Variants in SWT1 observed in about 807,000 individuals in gnomAD.
SWT1 encodes the protein SWT1 RNA endoribonuclease homolog, also known as transcriptional protein SWT1.
Under a neutral mutation model 107.3 loss-of-function variants are expected in SWT1, and 33 were observed. The observed-to-expected ratio is 0.31, with a 90% CI of 0.23 to 0.41. The LOEUF (loss-of-function observed/expected upper bound fraction) is 0.41. SWT1 is among the 10% of genes least tolerant of loss of function. The pLI, the probability that SWT1 is intolerant of heterozygous loss-of-function variation, is 1.00. For missense variants in SWT1, 898 were observed against 1,028.9 expected, an observed-to-expected ratio of 0.87 and a Z score of 1.74; for synonymous variants, 345 against 348.3, an observed-to-expected ratio of 0.99 and a Z score of 0.11.
At chr1:185,182,125 T>C in intron 7 of SWT1, 68 bp downstream of exon 7, 1 of 1,466,148 alleles carries the variant, frequency 6.8e-7, no homozygotes, top group African/African-American at 1.4e-5. Context: ...CAATATTCAA[T>C]TTTTATAATA....
Position 185,214,602 on chromosome 1 carries a change from A to G in SWT1, c.2068A>G (p.Ile690Val), listed in dbSNP as rs773278588. ...AFSTRSNYDG[I>V]LPQTFAQVNN... ...CAGTACAAGGTCAAATTATGATGGT[A>G]TTCTTCCACAGACCTTTGCTCAAGT... Residue 690 changes from isoleucine to valine, a missense_variant, in exon 14 of 19, where the codon ATT (isoleucine) becomes GTT (valine). Ile to Val is a conservative substitution (Grantham distance 29). This residue lies in a region of SWT1 where 382 missense variants were observed against 460.0 expected (regional missense o/e 0.83). Transcript: ENST00000367500. The G allele has an allele frequency of 3.7e-6, 6 of 1,612,498 alleles. No homozygotes were observed. Among genetic ancestry groups the G allele is most frequent in the Non-Finnish European group, 8.5e-7 (1 of 1,179,184 alleles).
At chr1:185,165,589 TGTG>T (rs1328774199) in intron 2 of SWT1, among the ~76,000 whole-genome samples, 3 of 152,250 alleles carry the variant, frequency 2.0e-5, no homozygotes, top group Non-Finnish European at 1.5e-5. Flanking sequence ...CACTAGCTAA[TGTG>T]GTCCTATTAA....
At chr1:185,282,135 G>C (rs1664664253) in intron 18 of SWT1, among the ~76,000 whole-genome samples, 1 of 152,170 alleles carries the variant, frequency 6.6e-6, no homozygotes, top group Non-Finnish European at 1.5e-5. Context: ...CAGGAGTTGA[G>C]TTTTTCCCCA....
intron 4 of SWT1, among the ~76,000 whole-genome samples, chr1:185,171,058 A>G (rs1449836595): frequency 6.6e-6 from 1 of 151,986 alleles, no homozygotes; most frequent in African/African-American, 2.4e-5. Flanking sequence ...TCTAGCCTAC[A>G]TCTCCCCACC....
At chr1:185,180,477 T>C in intron 6 of SWT1, 27 bp downstream of exon 6, 1 of 1,545,278 alleles carries the variant, frequency 6.5e-7, no homozygotes, top group Non-Finnish European at 8.9e-7. Context: ...TTTACTTTGA[T>C]ATTTTTAATG....
chr1:185,266,528 T>C (rs1663405612), intron 16 of SWT1: 1 of 152,228 alleles, frequency 6.6e-6, no homozygotes. Flanking sequence ...ATCAGATTAT[T>C]CTGTTTTGTC....
intron 16 of SWT1, among the ~76,000 whole-genome samples, chr1:185,251,960 A>G (rs1571619392): frequency 6.6e-6 from 1 of 151,310 alleles, no homozygotes. Context: ...CCACCCCACA[A>G]CAGTCCCCAG....
chr1:185,168,546 G>A (rs1366682185), intron 4 of SWT1, 148 bp downstream of exon 4: 1 of 331,186 alleles, frequency 3.0e-6, no homozygotes, highest in Non-Finnish European at 5.4e-6. Flanking sequence ...TTATAGAATT[G>A]TCTTAATATT....
intron 1 of SWT1, among the ~76,000 whole-genome samples, chr1:185,160,592 C>T (rs1009096730): frequency 6.6e-6 from 1 of 152,052 alleles, no homozygotes; most frequent in Non-Finnish European, 1.5e-5. Context: ...ATCTCAGCTG[C>T]TCAGGAGGCT....
intron 16 of SWT1, among the ~76,000 whole-genome samples, chr1:185,261,575 C>T (rs1397147626): frequency 6.6e-6 from 1 of 151,902 alleles, no homozygotes; most frequent in Non-Finnish European, 1.5e-5. Flanking sequence ...AACTACCATA[C>T]TGTTTTTCAT....
chr1:185,195,633 A>G (rs1018574164), intron 10 of SWT1, among the ~76,000 whole-genome samples: 1 of 152,130 alleles, frequency 6.6e-6, no homozygotes, highest in Non-Finnish European at 1.5e-5. Flanking sequence ...AAGTGTTCCT[A>G]TTTCTCCACA....
chr1:185,203,283 T>C (rs964941956), intron 11 of SWT1, among the ~76,000 whole-genome samples: 6 of 152,178 alleles, frequency 3.9e-5, no homozygotes, highest in African/African-American at 1.4e-4. Context: ...GAGAAACTTG[T>C]TGGAATCTAG....
Position 185,174,351 on chromosome 1 carries a change from G to A in SWT1, c.225-21G>A, listed in dbSNP as rs373210945. ...TTATGTATAATTATAATGTAACCTA[G>A]GTTTCTGTGCTGTTTTACAGATTGA... On this transcript the variant is annotated intron_variant, in intron 4 of 18. Transcript: ENST00000367500. 4.0e-5 allele frequency: 60 copies of A among 1,507,534 alleles called. 1 individual carries two copies. Among genetic ancestry groups the A allele is most frequent in the Non-Finnish European group, 5.2e-5 (59 of 1,133,910 alleles). 93.4% of individuals were successfully genotyped at this position (1,507,534 alleles called of 1,614,324 possible). A position where few individuals can be genotyped will look rare whatever the true frequency, so the allele number is the denominator to read the frequency against.
chr1:185,282,195 A>G (rs926380167), intron 18 of SWT1, among the ~76,000 whole-genome samples: 1 of 152,202 alleles, frequency 6.6e-6, no homozygotes, highest in Admixed American at 6.5e-5. Context: ...AAATTGCTGA[A>G]CAGAGTGCAT....
At chr1:185,182,359 A>G (rs1302982908) in intron 7 of SWT1, among the ~76,000 whole-genome samples, 1 of 152,180 alleles carries the variant, frequency 6.6e-6, no homozygotes, top group Non-Finnish European at 1.5e-5. Context: ...TCAATGATGT[A>G]AAGCACTGAT....
chr1:185,193,467 C>CT (rs770162424), intron 10 of SWT1, among the ~76,000 whole-genome samples: 7,324 of 139,378 alleles, frequency 0.053, 561 homozygotes, highest in African/African-American at 0.17. Flanking sequence ...TTTTTCTTTT[C>CT]TTTTTTTTTT....
chr1:185,254,352 T>A (rs1234917412), intron 16 of SWT1, among the ~76,000 whole-genome samples: 1 of 134,668 alleles, frequency 7.4e-6, no homozygotes, highest in Admixed American at 7.2e-5. Flanking sequence ...TCAGAAGGAA[T>A]GGTACCAGTT....
chr1:185,222,706 G>A (rs1014901487), intron 15 of SWT1, among the ~76,000 whole-genome samples: 69 of 147,538 alleles, frequency 4.7e-4, no homozygotes, highest in Middle Eastern at 3.5e-3. Context: ...TGGAGGTTGC[G>A]GTGAACTGAC....
chr1:185,166,866 T>G (rs1024685388), intron 3 of SWT1, among the ~76,000 whole-genome samples: 1 of 152,188 alleles, frequency 6.6e-6, no homozygotes, highest in African/African-American at 2.4e-5. Context: ...TGGCTATAAA[T>G]TTAGACAGTT....
Sources: gnomAD v4.1 joint callset for allele counts (sites outside exome capture counted in the v4.1 genomes callset) on GRCh38, gnomAD v4.1.1 for gene constraint, gnomAD v4.1.1 regional missense constraint, MANE v1.5 for transcripts, NCBI Gene and HGNC (gene_info 2026-07-23, HGNC 2026-07-21) for gene names.